The following NR3C1 variants were observed in gnomAD, a reference collection of about 807,000 sequenced individuals.
NR3C1 encodes the protein glucocorticoid receptor.
NR3C1 carries 14 observed loss-of-function variants against 74.0 expected under a neutral mutation model. The ratio of observed to expected loss-of-function variants is 0.19; its 90% CI spans 0.12 to 0.30. The LOEUF (loss-of-function observed/expected upper bound fraction) is 0.30. Ranked by LOEUF, NR3C1 falls within the 10% of genes least tolerant of loss-of-function variation. NR3C1 has a pLI of 1.00. For missense variants in NR3C1, 695 were observed against 909.8 expected (o/e 0.76, Z 3.04); for synonymous variants, 308 against 332.5 (o/e 0.93, Z 0.80).
intron 2 of NR3C1, among the ~76,000 whole-genome samples, chr5:143,367,198 C>CTAAT (rs1225407591): frequency 6.6e-6 from 1 of 152,172 alleles, no homozygotes; most frequent in Non-Finnish European, 1.5e-5. Context: ...TTGACAAAAT[C>CTAAT]TAATGCCCTT....
rs547397997 is a variant in NR3C1 at position 143,332,649 on chromosome 5, C to T, written c.1185-18481G>A. On this transcript the variant is annotated intron_variant, in intron 2 of 8. Transcript: ENST00000394464. ...GAAAGGAAAAGGGCTCAGGTTTAAGCGACTGGAATCATTCCTACATGATTC... is the reference window on the plus strand; with the variant it reads ...GAAAGGAAAAGGGCTCAGGTTTAAGTGACTGGAATCATTCCTACATGATTC... 2.3e-4 allele frequency: 355 copies of T among 1,570,604 alleles called. 1 individual carries two copies. In the South Asian group the frequency reaches 2.6e-3, roughly 12 times the overall value.
At chr5:143,287,432 T>C (rs1814754817) in intron 7 of NR3C1, among the ~76,000 whole-genome samples, 1 of 152,110 alleles carries the variant, frequency 6.6e-6, no homozygotes, top group African/African-American at 2.4e-5. Flanking sequence ...AAATGGCTCA[T>C]TTCATAGAAA....
intron 2 of NR3C1, among the ~76,000 whole-genome samples, chr5:143,337,815 G>GT (rs1827436331): frequency 6.6e-6 from 1 of 152,096 alleles, no homozygotes; most frequent in South Asian, 2.1e-4. Context: ...GAGTTATATT[G>GT]TTTAAGGATG....
intron 7 of NR3C1, among the ~76,000 whole-genome samples, chr5:143,291,197 T>G (rs578188261): frequency 1.3e-5 from 2 of 152,286 alleles, no homozygotes; most frequent in African/African-American, 4.8e-5. Flanking sequence ...ACTTTTGTTA[T>G]TCTTCAGTCC....
chr5:143,297,294 C>A (rs912995916), intron 6 of NR3C1, among the ~76,000 whole-genome samples: 1 of 151,976 alleles, frequency 6.6e-6, no homozygotes, highest in African/African-American at 2.4e-5. Context: ...AATCTGAATG[C>A]CCTAATAATA....
chr5:143,411,859 A>G lies in NR3C1; in HGVS notation c.-13-11007T>C, dbSNP rs117592586. On this transcript the variant is annotated intron_variant, in intron 1 of 8. Coordinates refer to the NR3C1 transcript ENST00000343796. ...ATGTGGAGTATGAGTTGTAGGGGCTAAGGGAGAAAGCAGGGAGAGCAGTGA... is the reference window on the plus strand; with the variant it reads ...ATGTGGAGTATGAGTTGTAGGGGCTGAGGGAGAAAGCAGGGAGAGCAGTGA... 2.7e-4 allele frequency among the ~76,000 whole-genome samples: 41 copies of G among 152,132 alleles called. No homozygotes were observed. The East Asian group carries it at 3.1e-3, about 12-fold the overall frequency.
chr5:143,381,378 C>A (rs1172230227), intron 2 of NR3C1, among the ~76,000 whole-genome samples: 1 of 151,892 alleles, frequency 6.6e-6, no homozygotes, highest in African/African-American at 2.4e-5. Flanking sequence ...AAGCAATCTA[C>A]AGATTCAATG....
intron 3 of NR3C1, among the ~76,000 whole-genome samples, chr5:143,312,974 T>C (rs749030231): frequency 7.9e-5 from 12 of 152,212 alleles, no homozygotes; most frequent in Non-Finnish European, 1.5e-4. Context: ...TGGTGTAATA[T>C]GAGTAATTTT....
intron 2 of NR3C1, among the ~76,000 whole-genome samples, chr5:143,341,448 T>C (rs561762574): frequency 2.6e-5 from 4 of 152,322 alleles, no homozygotes; most frequent in African/African-American, 7.2e-5. Flanking sequence ...ACTCAGCAAC[T>C]AGAATGCCAG....
chr5:143,340,588 T>C (rs538883817), intron 2 of NR3C1, among the ~76,000 whole-genome samples: 1 of 148,040 alleles, frequency 6.8e-6, no homozygotes, highest in African/African-American at 2.5e-5. Flanking sequence ...GTTGAAGAGA[T>C]TCCCCTGCCT....
chr5:143,294,175 A>C, intron 7 of NR3C1: 1 of 984,826 alleles, frequency 1.0e-6, no homozygotes, highest in Non-Finnish European at 1.2e-6. Flanking sequence ...TGAAATGATT[A>C]AATAAAATCA....
chr5:143,395,930 A>G (rs1196106431), intron 2 of NR3C1, among the ~76,000 whole-genome samples: 1 of 151,898 alleles, frequency 6.6e-6, no homozygotes, highest in African/African-American at 2.4e-5. Context: ...CCATTTCACT[A>G]TTAATACAAT....
intron 2 of NR3C1, among the ~76,000 whole-genome samples, chr5:143,343,796 T>C (rs1411108457): frequency 6.6e-6 from 1 of 152,230 alleles, no homozygotes; most frequent in Non-Finnish European, 1.5e-5. Flanking sequence ...TGAGAGTTCC[T>C]ACAGGGATTT....
At chr5:143,389,183 T>A (rs1255272326) in intron 2 of NR3C1, among the ~76,000 whole-genome samples, 2 of 152,200 alleles carry the variant, frequency 1.3e-5, no homozygotes, top group Admixed American at 6.5e-5. Context: ...CAGGGATGAC[T>A]ATCATCAGAG....
intron 4 of NR3C1, among the ~76,000 whole-genome samples, chr5:143,302,084 A>G (rs976117560): frequency 2.0e-5 from 3 of 152,134 alleles, no homozygotes; most frequent in Non-Finnish European, 4.4e-5. Flanking sequence ...ATTTGGATTT[A>G]AGTCCTGGTT....
At chr5:143,348,245 A>G (rs754472258) in intron 2 of NR3C1, among the ~76,000 whole-genome samples, 7 of 152,234 alleles carry the variant, frequency 4.6e-5, no homozygotes, top group South Asian at 2.1e-4. Context: ...AAAATGCCCA[A>G]TGAAACTATA....
intron 7 of NR3C1, among the ~76,000 whole-genome samples, chr5:143,291,877 C>G (rs1486012530): frequency 1.3e-5 from 2 of 152,154 alleles, no homozygotes; most frequent in Non-Finnish European, 2.9e-5. Flanking sequence ...TCCATTGGAG[C>G]CTTTAACCTA....
intron 2 of NR3C1, among the ~76,000 whole-genome samples, chr5:143,323,680 CAA>C (rs1823900265): frequency 6.6e-6 from 1 of 152,072 alleles, no homozygotes; most frequent in African/African-American, 2.4e-5. Flanking sequence ...GTCCACAGTC[CAA>C]AGTCTCATCT....
chr5:143,300,858 A>T lies in NR3C1; in HGVS notation c.1469-95T>A. 1 of 1,177,368 alleles carries T rather than the reference A, an allele frequency of 8.5e-7. No homozygotes were observed. The highest frequency in any genetic ancestry group is 1.2e-6 in the Non-Finnish European group (1 of 836,898). 72.9% of individuals were successfully genotyped at this position (1,177,368 alleles called of 1,614,324 possible). On this transcript the variant is annotated intron_variant, in intron 4 of 8. Coordinates refer to ENST00000394464, the MANE Select transcript of NR3C1 (RefSeq NM_000176.3). The surrounding 1 kb of genome is among the most constrained non-coding windows in gnomAD (Gnocchi z 5.2). ...AGAAGTATTTTTACTTTCTAAAACT[A>T]TTAAGATGGGAGAAATATTTTATTT...
Sources: gnomAD v4.1 joint callset for allele counts (sites outside exome capture counted in the v4.1 genomes callset) on GRCh38, gnomAD v4.1.1 for gene constraint, Gnocchi (gnomAD v3.1) non-coding constraint, MANE v1.5 for transcripts, NCBI Gene and HGNC (gene_info 2026-07-23, HGNC 2026-07-21) for gene names.